The following SLC6A20 variants were observed in gnomAD, a reference collection of about 807,000 sequenced individuals.
SLC6A20 encodes sodium- and chloride-dependent transporter XTRP3.
A neutral mutation model predicts 64.3 loss-of-function variants in SLC6A20; 73 were observed. The observed-to-expected ratio is 1.14, with a 90% confidence interval of 0.94 to 1.38. The LOEUF is 1.38. Among genes scored for constraint, SLC6A20 ranks in the 40% most tolerant of loss-of-function variants. SLC6A20 has a pLI of 0.00. For synonymous variants in SLC6A20, 347 were observed against 329.6 expected, an observed-to-expected ratio of 1.05 and a Z score of -0.57; for missense variants, 725 against 772.8, an observed-to-expected ratio of 0.94 and a Z score of 0.73.
At chr3:45,779,947 G>C in intron 3 of SLC6A20, 62 bp downstream of exon 3, 1 of 1,519,996 alleles carries the variant, frequency 6.6e-7, no homozygotes, top group Non-Finnish European at 8.9e-7. Flanking sequence ...CGAGCGGGTG[G>C]CCCTGTTTTT....
At chr3:45,775,733 A>G in intron 4 of SLC6A20, 28 bp downstream of exon 4, 1 of 1,598,260 alleles carries the variant, frequency 6.3e-7, no homozygotes, top group South Asian at 1.1e-5. Flanking sequence ...CACCAGGAGC[A>G]CCGGGCTTCT....
intron 7 of SLC6A20, among the ~76,000 whole-genome samples, chr3:45,766,301 G>T (rs1440714503): frequency 6.6e-6 from 1 of 152,166 alleles, no homozygotes; most frequent in Non-Finnish European, 1.5e-5. Flanking sequence ...GGGATAATAG[G>T]TTGTGCGTAC....
At chr3:45,779,846 G>A (rs555824058) in intron 3 of SLC6A20, among the ~76,000 whole-genome samples, 163 bp downstream of exon 3, 37 of 152,330 alleles carry the variant, frequency 2.4e-4, no homozygotes, top group Admixed American at 2.6e-4. Context: ...AGCCCTTCAC[G>A]TGGTTTGGGG....
chr3:45,794,939 T>C (rs542196740), intron 1 of SLC6A20, among the ~76,000 whole-genome samples: 22 of 152,310 alleles, frequency 1.4e-4, no homozygotes, highest in African/African-American at 4.3e-4. Flanking sequence ...ATCAGGAAAT[T>C]AAGAATGCAC....
In SLC6A20 at chr3:45,765,695, A is replaced by G. The variant is rs184205316; in HGVS notation, c.1145T>C (p.Ile382Thr). The change falls in exon 8 of 11, where the codon ATT becomes ACT. Residue 382 changes from isoleucine to threonine, a missense_variant. Ile to Thr is a moderately conservative substitution (Grantham distance 89, BLOSUM62 -1). Coordinates refer to ENST00000358525, the MANE Select transcript of SLC6A20 (RefSeq NM_020208.4). This position sits in a 1 kb window ranked among gnomAD's most constrained non-coding sequence, Gnocchi z 4.2. ...CAGCTGGGACACCTCCATGTTTTTAATGGCCTCTGTGTAGACGATGAATGC... is the reference window on the plus strand; with the variant it reads ...CAGCTGGGACACCTCCATGTTTTTAGTGGCCTCTGTGTAGACGATGAATGC... The part of the protein sequence containing the change: ...GLAFIVYTEA[I>T]KNMEVSQLWS... 7.4e-6 allele frequency: 12 copies of G among 1,614,170 alleles called. No homozygotes were observed. Among genetic ancestry groups the G allele is most frequent in the Non-Finnish European group, 1.0e-5 (12 of 1,180,036 alleles).
Position 45,758,845 on chromosome 3 carries a change from T to C in SLC6A20, c.*133A>G. The C allele has an allele frequency of 7.3e-7, 1 of 1,378,130 alleles. No individual in the cohort carries two copies. Among genetic ancestry groups the C allele is most frequent in the East Asian group, 2.8e-5 (1 of 36,246 alleles). 85.4% of individuals were successfully genotyped at this position (1,378,130 alleles called of 1,614,324 possible). ...AAGGGAGTTTTCTTCCTGCACACCTTCCTCATCTTCTTTAGACACTCAGGA... is the reference window on the plus strand; with the variant it reads ...AAGGGAGTTTTCTTCCTGCACACCTCCCTCATCTTCTTTAGACACTCAGGA... On this transcript the variant is annotated 3_prime_UTR_variant, in exon 11 of 11. Transcript: ENST00000358525.
chr3:45,771,619 C>T, intron 5 of SLC6A20, 161 bp from the exon 6 acceptor site: 3 of 1,107,016 alleles, frequency 2.7e-6, no homozygotes, highest in Non-Finnish European at 3.8e-6. Context: ...TGGCCCCATC[C>T]ACTCCCTGGC....
chr3:45,762,859 TG>T, intron 9 of SLC6A20, 53 bp downstream of exon 9: 3 of 1,601,518 alleles, frequency 1.9e-6, no homozygotes, highest in Non-Finnish European at 2.6e-6. Flanking sequence ...TTGAGGGGCG[TG>T]GCCTCTGTGG....
intron 7 of SLC6A20, among the ~76,000 whole-genome samples, chr3:45,766,040 A>G (rs1318086468): frequency 6.6e-6 from 1 of 152,172 alleles, no homozygotes; most frequent in Non-Finnish European, 1.5e-5. Flanking sequence ...AACAATGGAT[A>G]ATTTCTGCTT....
intron 1 of SLC6A20, among the ~76,000 whole-genome samples, chr3:45,789,646 C>A (rs1200734284): frequency 6.6e-6 from 1 of 152,056 alleles, no homozygotes; most frequent in Non-Finnish European, 1.5e-5. Context: ...AAATATGGTT[C>A]TAATTTTTTA....
chr3:45,791,071 C>T (rs1265917219), intron 1 of SLC6A20, among the ~76,000 whole-genome samples: 1 of 152,168 alleles, frequency 6.6e-6, no homozygotes, highest in Non-Finnish European at 1.5e-5. Context: ...AGCAGTTAGT[C>T]CTTCTTGAGT....
chr3:45,779,957 T>G, intron 3 of SLC6A20, 52 bp downstream of exon 3: 2 of 1,545,760 alleles, frequency 1.3e-6, no homozygotes, highest in Non-Finnish European at 1.8e-6. Flanking sequence ...GCCCTGTTTT[T>G]CTCTCCCTTT....
intron 7 of SLC6A20, among the ~76,000 whole-genome samples, chr3:45,767,149 C>T (rs1699791165): frequency 6.6e-6 from 1 of 152,116 alleles, no homozygotes; most frequent in African/African-American, 2.4e-5. Flanking sequence ...GGAGTGATCA[C>T]TTGTAGAGAA....
intron 7 of SLC6A20, among the ~76,000 whole-genome samples, chr3:45,766,841 C>CA (rs1451535860): frequency 9.8e-5 from 15 of 152,308 alleles, no homozygotes; most frequent in African/African-American, 3.6e-4. Context: ...GATTGAGAGA[C>CA]AAATTCCTGT....
At chr3:45,790,701 T>C (rs1700235558) in intron 1 of SLC6A20, among the ~76,000 whole-genome samples, 1 of 152,210 alleles carries the variant, frequency 6.6e-6, no homozygotes, top group South Asian at 2.1e-4. Context: ...TTGGCCTCCA[T>C]GCTGGCAATC....
chr3:45,775,504 C>CT (rs781004076), intron 4 of SLC6A20, among the ~76,000 whole-genome samples: 7 of 151,512 alleles, frequency 4.6e-5, no homozygotes, highest in African/African-American at 7.3e-5. Context: ...TACAGAAAAA[C>CT]TTTTTTTTTC....
intron 3 of SLC6A20, among the ~76,000 whole-genome samples, chr3:45,779,659 T>C (rs1326525288): frequency 6.6e-6 from 1 of 152,186 alleles, no homozygotes; most frequent in Non-Finnish European, 1.5e-5. Flanking sequence ...CCACCAGTCC[T>C]CTCCACAGAT....
In SLC6A20 at chr3:45,765,447, G is replaced by T; in HGVS notation, c.1303+90C>A. The T allele has an allele frequency of 1.4e-6, 2 of 1,441,126 alleles. No homozygotes were observed. The highest frequency in any genetic ancestry group is 1.9e-6 in the Non-Finnish European group (2 of 1,062,084). The allele number at this position is 1,441,126 out of a possible 1,614,324, so 89.3% of individuals were successfully genotyped here. A position where few individuals can be genotyped will look rare whatever the true frequency, so the allele number is the denominator to read the frequency against. On this transcript the variant is annotated intron_variant, in intron 8 of 10. Coordinates refer to ENST00000358525, the MANE Select transcript of SLC6A20 (RefSeq NM_020208.4). This position sits in a 1 kb window ranked among gnomAD's most constrained non-coding sequence, Gnocchi z 4.2. The stretch of plus-strand genomic sequence containing the variant: ...CAACCCCCTGTAGCCACCTGAACCA[G>T]CCCATGACCCCTGAGGGAGCTCTCC...
chr3:45,781,940 G>T (rs1700091779), intron 2 of SLC6A20, 143 bp downstream of exon 2: 1 of 1,167,598 alleles, frequency 8.6e-7, no homozygotes, highest in Non-Finnish European at 1.1e-6. Flanking sequence ...TCCCCACCAG[G>T]CCATTTGTTC....
Sources: allele counts gnomAD v4.1 joint callset (sites outside exome capture counted in the v4.1 genomes callset), GRCh38; gene constraint gnomAD v4.1.1; non-coding constraint Gnocchi (gnomAD v3.1); transcripts MANE v1.5; gene names NCBI Gene and HGNC (gene_info 2026-07-23, HGNC 2026-07-21).